Variants in ISM1 observed in about 807,000 individuals in gnomAD.
The protein encoded by ISM1 is isthmin 1.
A neutral mutation model predicts 46.3 loss-of-function variants in ISM1; 25 were observed. That is an observed-to-expected ratio of 0.54 (90% confidence interval 0.39 to 0.75). The LOEUF (loss-of-function observed/expected upper bound fraction) is 0.75. Ranked by LOEUF, ISM1 falls within the 30% of genes least tolerant of loss-of-function variation. ISM1 has a pLI of 0.00. For synonymous variants in ISM1, 255 were observed against 256.7 expected, an observed-to-expected ratio of 0.99 and a Z score of 0.06; for missense variants, 536 against 625.4, an observed-to-expected ratio of 0.86 and a Z score of 1.52.
chr20:13,321,842 C>G, the ISM1 span, among the ~76,000 whole-genome samples: 2,592 of 152,240 alleles, frequency 0.017, 77 homozygotes, highest in African/African-American at 0.059. Flanking sequence ...AGAGGCAGCA[C>G]TCAGATTCTT....
chr20:13,303,138 A>T (rs2040472843), downstream of ISM1, among the ~76,000 whole-genome samples: 1 of 152,194 alleles, frequency 6.6e-6, no homozygotes, highest in Non-Finnish European at 1.5e-5. Flanking sequence ...TCAAGGTCAG[A>T]CCACTTGGTA....
chr20:13,279,903 GT>G lies in ISM1; in HGVS notation c.643+8del. On this transcript the variant is annotated splice_donor_region_variant and intron_variant, in intron 3 of 5. Coordinates refer to ENST00000262487, the MANE Select transcript of ISM1 (RefSeq NM_080826.2). Reference sequence around the variant, plus strand: ...CCAAAGATCAGCCAGAATATGGTGAGTTTACCACCTAGTAATATAAAATTGG... The same window carrying G: ...CCAAAGATCAGCCAGAATATGGTGAGTTACCACCTAGTAATATAAAATTGG... The G allele has an allele frequency of 6.2e-7, 1 of 1,612,624 alleles. No individual in the cohort carries two copies. The highest frequency in any genetic ancestry group is 8.5e-7 in the Non-Finnish European group (1 of 1,178,948).
At chr20:13,289,943 C>T (rs2040335226) in intron 4 of ISM1, among the ~76,000 whole-genome samples, 2 of 152,076 alleles carry the variant, frequency 1.3e-5, no homozygotes, top group African/African-American at 4.8e-5. Flanking sequence ...CTTTTTCTAC[C>T]TTAGACACTC....
chr20:13,227,761 G>A (rs1483023713), intron 1 of ISM1, among the ~76,000 whole-genome samples: 21 of 145,650 alleles, frequency 1.4e-4, no homozygotes, highest in Middle Eastern at 8.1e-3. Context: ...TCTCGCCTCT[G>A]CCTCCCAAAG....
intron 5 of ISM1, among the ~76,000 whole-genome samples, chr20:13,297,717 T>C (rs1386078275): frequency 1.3e-5 from 2 of 152,232 alleles, no homozygotes; most frequent in Non-Finnish European, 2.9e-5. Flanking sequence ...ATTCGATCTT[T>C]TGGTTTTTCA....
the ISM1 span, among the ~76,000 whole-genome samples, chr20:13,306,410 C>T: frequency 6.6e-6 from 1 of 151,982 alleles, no homozygotes; most frequent in Non-Finnish European, 1.5e-5. Flanking sequence ...ACAAGCACCA[C>T]TTTAAATTTT....
At chr20:13,280,687 T>G (rs2040229852) in intron 3 of ISM1, among the ~76,000 whole-genome samples, 1 of 152,158 alleles carries the variant, frequency 6.6e-6, no homozygotes, top group South Asian at 2.1e-4. Flanking sequence ...CACACACTCG[T>G]AAGGCCCTCA....
chr20:13,318,103 C>A, the ISM1 span, among the ~76,000 whole-genome samples: 1 of 140,734 alleles, frequency 7.1e-6, no homozygotes, highest in Non-Finnish European at 1.6e-5. Context: ...CACAAACAAC[C>A]CGATTCTTTA....
At chr20:13,266,009 C>T (rs1265782120) in intron 1 of ISM1, among the ~76,000 whole-genome samples, 1 of 152,122 alleles carries the variant, frequency 6.6e-6, no homozygotes, top group Non-Finnish European at 1.5e-5. Context: ...TCATTTCAGG[C>T]AGGACAAAGT....
intron 1 of ISM1, among the ~76,000 whole-genome samples, chr20:13,258,061 T>G (rs2039947121): frequency 6.6e-6 from 1 of 152,186 alleles, no homozygotes; most frequent in Admixed American, 6.5e-5. Flanking sequence ...CCAGATTTAA[T>G]GTATAGTGCC....
intron 1 of ISM1, among the ~76,000 whole-genome samples, chr20:13,230,677 T>TG (rs1189783408): frequency 6.6e-6 from 1 of 151,184 alleles, no homozygotes; most frequent in Non-Finnish European, 1.5e-5. Context: ...AGAGATGGGA[T>TG]GGGGGTGTCG....
chr20:13,299,083 G>T lies in ISM1; in HGVS notation c.1019G>T (p.Arg340Leu). 2 of 1,613,604 alleles carry T rather than the reference G, an allele frequency of 1.2e-6. No individual in the cohort carries two copies. Among genetic ancestry groups the T allele is most frequent in the African/African-American group, 1.3e-5 (1 of 75,016 alleles). ...VAYSTADIFD[R>L]IKRKDFRWKD... ...TACAGCACGGCCGACATCTTCGACCGCATCAAGCGCAAGGACTTCCGCTGG... is the reference window on the plus strand; with the variant it reads ...TACAGCACGGCCGACATCTTCGACCTCATCAAGCGCAAGGACTTCCGCTGG... The change falls in exon 6 of 6, where the codon CGC becomes CTC. Residue 340 changes from arginine (R) to leucine (L), a missense_variant. Around this residue, in one of 2 missense-constraint regions of ISM1, gnomAD observed 169 missense variants for 249.3 expected, o/e 0.68. Transcript: ENST00000262487. The surrounding 1 kb of genome is among the most constrained non-coding windows in gnomAD (Gnocchi z 5.8).
At chr20:13,319,325 C>T in the ISM1 span, among the ~76,000 whole-genome samples, 1 of 152,146 alleles carries the variant, frequency 6.6e-6, no homozygotes, top group African/African-American at 2.4e-5. Context: ...TATCTGGTCA[C>T]ATGTGCCTGG....
At chr20:13,318,529 T>C in the ISM1 span, among the ~76,000 whole-genome samples, 2 of 152,200 alleles carry the variant, frequency 1.3e-5, no homozygotes, top group African/African-American at 4.8e-5. Context: ...CAAAAAAACC[T>C]GCACACAGGT....
intron 1 of ISM1, among the ~76,000 whole-genome samples, chr20:13,224,841 CTTTTTTTTTT>C (rs1162270732): frequency 9.3e-6 from 1 of 107,258 alleles, no homozygotes; most frequent in African/African-American, 3.7e-5. Flanking sequence ...AGCTTTCTTT[CTTTTTTTTTT>C]TTTTTTTTTT....
intron 1 of ISM1, among the ~76,000 whole-genome samples, chr20:13,263,093 C>G (rs760756445): frequency 2.0e-5 from 3 of 152,256 alleles, no homozygotes; most frequent in Non-Finnish European, 4.4e-5. Context: ...TACGTATGGC[C>G]GTTTCCCCTC....
chr20:13,293,173 A>C (rs1432818464), intron 5 of ISM1, among the ~76,000 whole-genome samples: 7 of 148,232 alleles, frequency 4.7e-5, no homozygotes, highest in Non-Finnish European at 8.9e-5. Context: ...GCACTCCAGC[A>C]CTCCAGCCTG....
At chr20:13,322,941 TG>T in the ISM1 span, among the ~76,000 whole-genome samples, 2 of 152,154 alleles carry the variant, frequency 1.3e-5, no homozygotes, top group African/African-American at 2.4e-5. Context: ...AATAAAATCC[TG>T]GGTTAAAAAG....
At chr20:13,323,190 T>C in the ISM1 span, among the ~76,000 whole-genome samples, 81 of 152,110 alleles carry the variant, frequency 5.3e-4, no homozygotes, top group Admixed American at 1.5e-3. Flanking sequence ...CTACAAAGAA[T>C]AAGAGAGTCG....
Sources: gnomAD v4.1 joint callset for allele counts (sites outside exome capture counted in the v4.1 genomes callset) on GRCh38, gnomAD v4.1.1 for gene constraint, gnomAD v4.1.1 regional missense constraint, Gnocchi (gnomAD v3.1) non-coding constraint, MANE v1.5 for transcripts, NCBI Gene and HGNC (gene_info 2026-07-23, HGNC 2026-07-21) for gene names.